CNOT2: variants seen among roughly 807,000 people sequenced by gnomAD.
CNOT2 encodes the protein CCR4-NOT transcription complex subunit 2.
Under a neutral mutation model 72.1 loss-of-function variants are expected in CNOT2, and 7 were observed. The observed-to-expected ratio is 0.10, with a 90% confidence interval of 0.06 to 0.18. The LOEUF is 0.18. Ranked by LOEUF, CNOT2 falls within the 10% of genes least tolerant of loss-of-function variation. CNOT2 has a pLI of 1.00. For missense variants in CNOT2, 345 were observed against 660.3 expected (o/e 0.52, Z 5.23); for synonymous variants, 196 against 225.6 (o/e 0.87, Z 1.17).
At position 70,285,191 on chromosome 12, in the gene CNOT2, A is replaced by G. The variant is rs142111209; in HGVS notation, c.48+6917A>G. Among the ~76,000 whole-genome samples the G allele has an allele frequency of 4.4e-3, 665 of 151,892 alleles. 3 individuals carry two copies. The highest frequency in any genetic ancestry group is 0.015 in the African/African-American group (634 of 41,400). On this transcript the variant is annotated intron_variant, in intron 2 of 15. Coordinates refer to ENST00000229195, the MANE Select transcript of CNOT2 (RefSeq NM_014515.7). Reference sequence around the variant, plus strand: ...AGAAAATACAGAAGCAAGCAAAGTTATGTTTTGATTTTGTTTTTGTTTTTG... The same window carrying G: ...AGAAAATACAGAAGCAAGCAAAGTTGTGTTTTGATTTTGTTTTTGTTTTTG...
rs1254651485 is a variant in CNOT2 at position 70,353,968 on chromosome 12, T to TCAG, written c.*56_*58dup. 81 of 1,531,044 alleles carry TCAG rather than the reference T, an allele frequency of 5.3e-5. No individual in the cohort carries two copies. The highest frequency in any genetic ancestry group is 7.1e-5 in the Non-Finnish European group (81 of 1,142,596). The allele number at this position is 1,531,044 out of a possible 1,614,324, so 94.8% of individuals were successfully genotyped here. A position where few individuals can be genotyped will look rare whatever the true frequency, so the allele number is the denominator to read the frequency against. The stretch of plus-strand genomic sequence containing the variant: ...TCCCTTTTCTTGGGGTATGGCTGTC[T>TCAG]CAGCACAATACTCAACATAACTGCA... On this transcript the variant is annotated 3_prime_UTR_variant, in exon 16 of 16. Coordinates refer to ENST00000229195, the MANE Select transcript of CNOT2 (RefSeq NM_014515.7).
chr12:70,304,910 G>A (rs964214448), intron 2 of CNOT2, among the ~76,000 whole-genome samples: 61 of 152,200 alleles, frequency 4.0e-4, no homozygotes, highest in Non-Finnish European at 7.5e-4. Context: ...CTGCCTTGCA[G>A]TTTGATCTCA....
intron 15 of CNOT2, among the ~76,000 whole-genome samples, chr12:70,349,198 G>GCTTTCTTTAAATATTC (rs1882571416): frequency 6.6e-6 from 1 of 152,118 alleles, no homozygotes; most frequent in Non-Finnish European, 1.5e-5. Context: ...TTTAAAGGAT[G>GCTTTCTTTAAATATTC]TGTTCAGTGC....
At chr12:70,335,622 ATACATT>A in intron 8 of CNOT2, 59 bp downstream of exon 8, 2 of 1,263,256 alleles carry the variant, frequency 1.6e-6, no homozygotes, top group Non-Finnish European at 2.3e-6. Context: ...GCACACACAT[ATACATT>A]TACATGTACG....
At chr12:70,336,197 C>G (rs1016167478) in intron 8 of CNOT2, 1 of 152,158 alleles carries the variant, frequency 6.6e-6, no homozygotes, top group Non-Finnish European at 1.5e-5. Flanking sequence ...AAAAAATTGC[C>G]CCCTGTTGAA....
chr12:70,339,012 T>TTGTG (rs1457871277), intron 11 of CNOT2, among the ~76,000 whole-genome samples, 190 bp downstream of exon 11: 7 of 108,188 alleles, frequency 6.5e-5, no homozygotes, highest in South Asian at 5.9e-4. Flanking sequence ...ATTTGGCATT[T>TTGTG]TATGTGTGTG....
chr12:70,304,877 G>T (rs1874935145), intron 2 of CNOT2, among the ~76,000 whole-genome samples: 1 of 152,206 alleles, frequency 6.6e-6, no homozygotes, highest in Non-Finnish European at 1.5e-5. Flanking sequence ...GCAATGGCGG[G>T]CACCCCTCCC....
intron 11 of CNOT2, among the ~76,000 whole-genome samples, chr12:70,339,066 A>ATGTGTG (rs1358955412): frequency 0.026 from 3,465 of 134,580 alleles, 106 homozygotes; most frequent in African/African-American, 0.063. Context: ...GCATGTATAT[A>ATGTGTG]TGTGTGTGTG....
At chr12:70,343,992 T>G (rs2136073777) in intron 13 of CNOT2, 136 bp from the exon 14 acceptor site, 1 of 523,546 alleles carries the variant, frequency 1.9e-6, no homozygotes. Context: ...ATCTGTGTAA[T>G]CATGTAATAA....
At chr12:70,282,361 C>A (rs556084639) in intron 2 of CNOT2, among the ~76,000 whole-genome samples, 40 of 152,288 alleles carry the variant, frequency 2.6e-4, no homozygotes, top group Admixed American at 7.2e-4. Context: ...TAATCTAAAA[C>A]ATTGTATTTT....
intron 1 of CNOT2, among the ~76,000 whole-genome samples, chr12:70,248,012 T>C (rs944706943): frequency 6.6e-6 from 1 of 152,240 alleles, no homozygotes; most frequent in African/African-American, 2.4e-5. Context: ...TAGGGAAGGA[T>C]GTTAGTAATA....
chr12:70,337,367 C>G, intron 8 of CNOT2, 22 bp from the exon 9 acceptor site: 2 of 1,591,762 alleles, frequency 1.3e-6, no homozygotes, highest in East Asian at 4.5e-5. Context: ...TTGCAATTCT[C>G]CGGATTATTT....
chr12:70,291,563 A>G (rs1423192465), intron 2 of CNOT2, among the ~76,000 whole-genome samples: 2 of 152,254 alleles, frequency 1.3e-5, no homozygotes, highest in East Asian at 1.9e-4. Context: ...CATAGTTAAC[A>G]GTGAAACCTT....
chr12:70,251,348 G>C (rs183090046), intron 1 of CNOT2, among the ~76,000 whole-genome samples: 295 of 152,228 alleles, frequency 1.9e-3, no homozygotes, highest in Non-Finnish European at 2.8e-3. Context: ...TTAACTAGGT[G>C]GGGGAGGGTA....
chr12:70,264,093 A>G (rs1469534097), intron 1 of CNOT2, among the ~76,000 whole-genome samples: 1 of 152,178 alleles, frequency 6.6e-6, no homozygotes, highest in East Asian at 1.9e-4. Context: ...TTTTGTTATT[A>G]ACAGTTCTCT....
intron 2 of CNOT2, among the ~76,000 whole-genome samples, chr12:70,308,915 T>C (rs1875960599): frequency 6.6e-6 from 1 of 152,188 alleles, no homozygotes; most frequent in Admixed American, 6.5e-5. Context: ...TATTGAATTA[T>C]GCATTTTCCA....
At chr12:70,261,286 G>A (rs1056719415) in intron 1 of CNOT2, among the ~76,000 whole-genome samples, 2 of 130,090 alleles carry the variant, frequency 1.5e-5, no homozygotes, top group Non-Finnish European at 3.3e-5. Context: ...GTGGATCTTT[G>A]TGCCTATTTT....
At chr12:70,311,982 T>A (rs1404441066) in intron 3 of CNOT2, among the ~76,000 whole-genome samples, 1 of 151,980 alleles carries the variant, frequency 6.6e-6, no homozygotes, top group Non-Finnish European at 1.5e-5. Flanking sequence ...CCTACTAGGT[T>A]TATGTTAGGA....
At chr12:70,304,128 C>G (rs1874724036) in intron 2 of CNOT2, among the ~76,000 whole-genome samples, 1 of 152,014 alleles carries the variant, frequency 6.6e-6, no homozygotes. Flanking sequence ...AGGTTTTTAA[C>G]TTCTTTGCCA....
Sources: gnomAD v4.1 joint callset for allele counts (sites outside exome capture counted in the v4.1 genomes callset) on GRCh38, gnomAD v4.1.1 for gene constraint, MANE v1.5 for transcripts, NCBI Gene and HGNC (gene_info 2026-07-23, HGNC 2026-07-21) for gene names.